CFAP299: variants seen among roughly 807,000 people sequenced by gnomAD.
CFAP299 encodes cilia- and flagella-associated protein 299.
CFAP299 carries 21 observed loss-of-function variants against 27.0 expected under a neutral mutation model. That is an observed-to-expected ratio of 0.78 (90% CI 0.55 to 1.12). CFAP299 has a LOEUF of 1.12. CFAP299 is among the 50% of genes most tolerant of loss of function. The pLI, the probability that CFAP299 is intolerant of heterozygous loss-of-function variation, is 0.00. For synonymous variants in CFAP299, 104 were observed against 98.1 expected (o/e 1.06, Z -0.36); for missense variants, 310 against 276.6 (o/e 1.12, Z -0.86).
At chr4:80,410,706 GCA>G (rs1578413159) in intron 2 of CFAP299, among the ~76,000 whole-genome samples, 1 of 152,204 alleles carries the variant, frequency 6.6e-6, no homozygotes, top group East Asian at 1.9e-4. Context: ...ATGAAGCATT[GCA>G]TTAATTATCT....
At chr4:80,578,477 A>G (rs1030868382) in intron 2 of CFAP299, among the ~76,000 whole-genome samples, 3 of 152,172 alleles carry the variant, frequency 2.0e-5, no homozygotes, top group African/African-American at 7.2e-5. Context: ...CCAAATTTAT[A>G]TAATACTTTT....
At chr4:80,653,571 C>T (rs151144911) in intron 3 of CFAP299, among the ~76,000 whole-genome samples, 1 of 151,924 alleles carries the variant, frequency 6.6e-6, no homozygotes, top group Non-Finnish European at 1.5e-5. Context: ...CAAACACATA[C>T]CTCAGAGGGA....
intron 5 of CFAP299, among the ~76,000 whole-genome samples, chr4:80,959,829 AT>A (rs1364477998): frequency 6.6e-6 from 1 of 151,952 alleles, no homozygotes; most frequent in African/African-American, 2.4e-5. Context: ...TCAGAAAAAA[AT>A]AATAGAGGAC....
intron 3 of CFAP299, among the ~76,000 whole-genome samples, chr4:80,729,192 T>C (rs561302172): frequency 2.0e-5 from 3 of 152,190 alleles, no homozygotes; most frequent in Non-Finnish European, 4.4e-5. Flanking sequence ...TAAGTTTCTG[T>C]GTGCAAGCTT....
chr4:80,847,094 G>C (rs1448234032), intron 3 of CFAP299, among the ~76,000 whole-genome samples: 1 of 152,158 alleles, frequency 6.6e-6, no homozygotes, highest in Non-Finnish European at 1.5e-5. Flanking sequence ...CACAAGCATA[G>C]TATAGTAGTA....
intron 3 of CFAP299, among the ~76,000 whole-genome samples, chr4:80,784,375 G>A (rs563020883): frequency 6.6e-6 from 1 of 152,152 alleles, no homozygotes; most frequent in East Asian, 1.9e-4. Context: ...TGTCTTTTGA[G>A]GATGCCCATC....
intron 3 of CFAP299, among the ~76,000 whole-genome samples, chr4:80,687,613 A>C (rs939013306): frequency 6.6e-6 from 1 of 152,234 alleles, no homozygotes; most frequent in Non-Finnish European, 1.5e-5. Context: ...TTGACATGAT[A>C]GAATTTAGTG....
At chr4:80,913,164 A>C (rs978751630) in intron 4 of CFAP299, among the ~76,000 whole-genome samples, 1 of 152,206 alleles carries the variant, frequency 6.6e-6, no homozygotes, top group African/African-American at 2.4e-5. Flanking sequence ...AGAATTTGAA[A>C]GATAGTAAGG....
At chr4:80,335,711 C>T, upstream of CFAP299, 1 of 1,008,894 alleles carries the variant, frequency 9.9e-7, no homozygotes, top group Non-Finnish European at 1.6e-6. Flanking sequence ...TGGGTGGAGC[C>T]TCCTGACCCT....
chr4:80,762,376 A>G (rs1725586068), intron 3 of CFAP299, among the ~76,000 whole-genome samples: 2 of 152,098 alleles, frequency 1.3e-5, no homozygotes, highest in African/African-American at 2.4e-5. Flanking sequence ...TTTGCCTCAG[A>G]CAGTCCTGTT....
At chr4:80,877,813 A>G (rs191304654) in intron 4 of CFAP299, among the ~76,000 whole-genome samples, 4 of 152,286 alleles carry the variant, frequency 2.6e-5, no homozygotes, top group Admixed American at 2.6e-4. Flanking sequence ...AAAGAATAGT[A>G]CAATGAAGGC....
At chr4:80,514,138 A>G (rs1732459271) in intron 2 of CFAP299, among the ~76,000 whole-genome samples, 1 of 152,016 alleles carries the variant, frequency 6.6e-6, no homozygotes, top group Non-Finnish European at 1.5e-5. Context: ...AATTCCTTTC[A>G]TGGTCAAAGA....
intron 2 of CFAP299, among the ~76,000 whole-genome samples, chr4:80,405,703 C>A (rs1726380201): frequency 1.3e-5 from 2 of 151,866 alleles, no homozygotes; most frequent in South Asian, 2.1e-4. Flanking sequence ...CATCCTTCTG[C>A]AAATATCTAA....
intron 2 of CFAP299, among the ~76,000 whole-genome samples, chr4:80,404,288 T>C (rs2110053488): frequency 6.6e-6 from 1 of 152,204 alleles, no homozygotes; most frequent in African/African-American, 2.4e-5. Context: ...AAAGTACACA[T>C]GTAACATTAA....
chr4:80,553,205 A>ATG (rs1049558135), intron 2 of CFAP299, among the ~76,000 whole-genome samples: 1 of 152,030 alleles, frequency 6.6e-6, no homozygotes, highest in African/African-American at 2.4e-5. Context: ...CTTTGTGTTC[A>ATG]TGAGTTCTCA....
At chr4:80,762,993 T>C (rs1725623816) in intron 3 of CFAP299, among the ~76,000 whole-genome samples, 1 of 152,180 alleles carries the variant, frequency 6.6e-6, no homozygotes, top group Admixed American at 6.5e-5. Context: ...CCCAAGAACA[T>C]TCCCTAACAA....
intron 2 of CFAP299, among the ~76,000 whole-genome samples, chr4:80,504,490 TA>T (rs1560598328): frequency 2.3e-4 from 30 of 130,286 alleles, no homozygotes; most frequent in Non-Finnish European, 4.5e-4. Context: ...TATATATATA[TA>T]TATATATATA....
intron 2 of CFAP299, among the ~76,000 whole-genome samples, chr4:80,479,121 T>C (rs1299252490): frequency 6.6e-6 from 1 of 152,048 alleles, no homozygotes; most frequent in African/African-American, 2.4e-5. Context: ...TAAGAAATGA[T>C]ATAACAATTT....
upstream of CFAP299, among the ~76,000 whole-genome samples, chr4:80,332,817 ATTGT>A (rs1422360505): frequency 6.6e-5 from 10 of 152,130 alleles, no homozygotes; most frequent in Non-Finnish European, 8.8e-5. Context: ...CTATGTTCTG[ATTGT>A]TTGCCCACTC....
Sources: gnomAD v4.1 joint callset for allele counts (sites outside exome capture counted in the v4.1 genomes callset) on GRCh38, gnomAD v4.1.1 for gene constraint, MANE v1.5 for transcripts, NCBI Gene and HGNC (gene_info 2026-07-23, HGNC 2026-07-21) for gene names.